PLCB1: variants seen among roughly 807,000 people sequenced by gnomAD.
PLCB1 encodes phospholipase C beta 1, also known as 1-phosphatidylinositol 4,5-bisphosphate phosphodiesterase beta-1.
A neutral mutation model predicts 161.8 loss-of-function variants in PLCB1; 46 were observed. That is an observed-to-expected ratio of 0.28 (90% CI 0.22 to 0.36). The LOEUF is 0.36. Ranked by LOEUF, PLCB1 falls within the 10% of genes least tolerant of loss-of-function variation. PLCB1 has a pLI of 1.00. For synonymous variants in PLCB1, 517 were observed against 503.7 expected (o/e 1.03, Z -0.35); for missense variants, 1,016 against 1,472.5 (o/e 0.69, Z 5.07).
intron 31 of PLCB1, among the ~76,000 whole-genome samples, chr20:8,806,697 G>A (rs536537530): frequency 6.6e-6 from 1 of 152,034 alleles, no homozygotes; most frequent in Non-Finnish European, 1.5e-5. Flanking sequence ...GCTTTGCAAC[G>A]GGTCTGCTTT....
intron 31 of PLCB1, among the ~76,000 whole-genome samples, chr20:8,865,933 G>T (rs1373079350): frequency 6.6e-6 from 1 of 152,156 alleles, no homozygotes; most frequent in African/African-American, 2.4e-5. Context: ...ATCCAAACCT[G>T]CTAAATGTAG....
intron 23 of PLCB1, among the ~76,000 whole-genome samples, chr20:8,754,070 C>T (rs979015818): frequency 1.3e-5 from 2 of 152,190 alleles, no homozygotes; most frequent in Non-Finnish European, 2.9e-5. Context: ...AGCACCAACC[C>T]TTGGTGCCCA....
chr20:8,570,586 A>C (rs528060520), intron 3 of PLCB1, among the ~76,000 whole-genome samples: 1 of 125,914 alleles, frequency 7.9e-6, no homozygotes, highest in African/African-American at 2.9e-5. Flanking sequence ...ACAATAAATA[A>C]GACAGTTAAG....
chr20:8,543,620 C>CA (rs60587265), intron 3 of PLCB1, among the ~76,000 whole-genome samples: 25,847 of 129,446 alleles, frequency 0.2, 2,556 homozygotes, highest in Admixed American at 0.29. Flanking sequence ...CAAAGAGTTC[C>CA]AAAAAAAAAA....
intron 3 of PLCB1, among the ~76,000 whole-genome samples, chr20:8,476,297 T>C (rs934541931): frequency 2.0e-5 from 3 of 151,226 alleles, no homozygotes; most frequent in African/African-American, 7.3e-5. Context: ...TCCTTCTTGT[T>C]CAAGTGTGTC....
intron 3 of PLCB1, among the ~76,000 whole-genome samples, chr20:8,563,785 C>T (rs1986230931): frequency 6.6e-6 from 1 of 152,040 alleles, no homozygotes; most frequent in Non-Finnish European, 1.5e-5. Context: ...ATACAACTTA[C>T]AAGGGATGTG....
chr20:8,219,672 G>A (rs560584355), intron 2 of PLCB1, among the ~76,000 whole-genome samples: 5 of 152,156 alleles, frequency 3.3e-5, no homozygotes, highest in Admixed American at 6.6e-5. Context: ...CCAACAGCTC[G>A]GATTTATGTC....
At chr20:8,153,025 G>A (rs1457662906) in intron 2 of PLCB1, among the ~76,000 whole-genome samples, 1 of 152,108 alleles carries the variant, frequency 6.6e-6, no homozygotes, top group Non-Finnish European at 1.5e-5. Context: ...TGTAGACAAT[G>A]ACATGCTACC....
At chr20:8,187,985 T>A (rs1482046096) in intron 2 of PLCB1, among the ~76,000 whole-genome samples, 1 of 152,158 alleles carries the variant, frequency 6.6e-6, no homozygotes, top group Non-Finnish European at 1.5e-5. Context: ...CTGTGGCATG[T>A]AACAGTGGTT....
chr20:8,571,350 C>T (rs916196947), intron 3 of PLCB1, among the ~76,000 whole-genome samples: 2 of 151,990 alleles, frequency 1.3e-5, no homozygotes, highest in East Asian at 1.9e-4. Context: ...GGCGTGGTGC[C>T]ACACACCTGT....
At chr20:8,151,783 G>T in intron 2 of PLCB1, among the ~76,000 whole-genome samples, 1 of 152,194 alleles carries the variant, frequency 6.6e-6, no homozygotes, top group Admixed American at 6.6e-5. Flanking sequence ...GTATTTGTAC[G>T]AGAGACCAAA....
intron 3 of PLCB1, among the ~76,000 whole-genome samples, chr20:8,582,441 ACTCCAGAACT>A (rs2123082208): frequency 6.6e-6 from 1 of 152,158 alleles, no homozygotes; most frequent in Admixed American, 6.5e-5. Flanking sequence ...TACCATTCAT[ACTCCAGAACT>A]CTCCAGGATC....
At chr20:8,174,468 A>G (rs1568578420) in intron 2 of PLCB1, among the ~76,000 whole-genome samples, 1 of 152,190 alleles carries the variant, frequency 6.6e-6, no homozygotes, top group Non-Finnish European at 1.5e-5. Flanking sequence ...GACTAATGGA[A>G]TTTTATAAAA....
chr20:8,665,374 T>A (rs914944738), intron 9 of PLCB1, among the ~76,000 whole-genome samples: 1 of 152,248 alleles, frequency 6.6e-6, no homozygotes, highest in Non-Finnish European at 1.5e-5. Flanking sequence ...AAAGTGATCA[T>A]TGGCATTTAT....
chr20:8,749,639 AG>A, intron 23 of PLCB1, among the ~76,000 whole-genome samples: 1 of 152,340 alleles, frequency 6.6e-6, no homozygotes. Context: ...TCAAGTTGGT[AG>A]GAACTTTTTT....
chr20:8,812,190 C>T (rs904755317), intron 31 of PLCB1, among the ~76,000 whole-genome samples: 6 of 152,092 alleles, frequency 3.9e-5, no homozygotes, highest in Admixed American at 1.3e-4. Flanking sequence ...GAAAAGCCTG[C>T]CCCCTTCTTC....
intron 3 of PLCB1, among the ~76,000 whole-genome samples, chr20:8,412,704 G>A (rs1029086162): frequency 6.6e-6 from 1 of 152,068 alleles, no homozygotes. Context: ...AACTCATCAA[G>A]ATTATAAGAT....
At chr20:8,383,985 GA>G (rs560435887) in intron 3 of PLCB1, among the ~76,000 whole-genome samples, 176 of 152,202 alleles carry the variant, frequency 1.2e-3, no homozygotes, top group Non-Finnish European at 2.2e-3. Context: ...TGAAGAATCT[GA>G]AAATTATGTG....
intron 3 of PLCB1, among the ~76,000 whole-genome samples, chr20:8,504,760 AAT>A (rs1491311275): frequency 1.3e-5 from 2 of 152,206 alleles, no homozygotes; most frequent in Non-Finnish European, 1.5e-5. Context: ...CTCCAAAAAA[AAT>A]ATTGAAATCT....
Sources: allele counts gnomAD v4.1 joint callset (sites outside exome capture counted in the v4.1 genomes callset), GRCh38; gene constraint gnomAD v4.1.1; transcripts MANE v1.5; gene names NCBI Gene and HGNC (gene_info 2026-07-23, HGNC 2026-07-21).